The following NAP1L4 variants were observed in gnomAD, a reference collection of about 807,000 sequenced individuals.
NAP1L4 encodes the protein nucleosome assembly protein 1 like 4, also known as nucleosome assembly protein 1-like 4.
In NAP1L4, 15 loss-of-function variants were observed where a neutral mutation model predicts 58.2. That is an observed-to-expected ratio of 0.26 (90% CI 0.17 to 0.40). The LOEUF (loss-of-function observed/expected upper bound fraction) is 0.40. Ranked by LOEUF, NAP1L4 falls within the 10% of genes least tolerant of loss-of-function variation. The pLI, the probability that NAP1L4 is intolerant of heterozygous loss-of-function variation, is 1.00. For synonymous variants in NAP1L4, 171 were observed against 155.6 expected (o/e 1.10, Z -0.74); for missense variants, 384 against 451.1 (o/e 0.85, Z 1.35).
intron 7 of NAP1L4, among the ~76,000 whole-genome samples, chr11:2,967,517 A>G (rs971132039): frequency 2.6e-5 from 4 of 151,926 alleles, no homozygotes; most frequent in Non-Finnish European, 5.9e-5. Flanking sequence ...AGGCTGAGGC[A>G]GGAGAATGGC....
Position 2,969,933 on chromosome 11 carries a change from C to T in NAP1L4, c.404G>A (p.Gly135Glu). 1 of 1,607,578 alleles carries T rather than the reference C, an allele frequency of 6.2e-7. No individual in the cohort carries two copies. The highest frequency in any genetic ancestry group is 8.5e-7 in the Non-Finnish European group (1 of 1,177,478). ...GACGACTACTTTACTTTTCATGTCTCCCTAAAAAAAAGATGCAACATAGGT... is the reference window on the plus strand; with the variant it reads ...GACGACTACTTTACTTTTCATGTCTTCCTAAAAAAAAGATGCAACATAGGT... Reference protein sequence around the residue: ...SENEEEEKLAGDMKSKVVVTE... With the variant: ...SENEEEEKLAEDMKSKVVVTE... Residue 135 changes from glycine (G) to glutamate (E), a missense_variant and splice_region_variant, in exon 7 of 16, where the codon GGA (glycine) becomes GAA (glutamate). Coordinates refer to ENST00000380542, the MANE Select transcript of NAP1L4 (RefSeq NM_005969.4).
At chr11:2,964,578 T>G in intron 8 of NAP1L4, 102 bp downstream of exon 8, 1 of 901,778 alleles carries the variant, frequency 1.1e-6, no homozygotes, top group African/African-American at 1.7e-5. Context: ...GATGAGTGGC[T>G]GGGTGTGGGT....
At chr11:2,966,228 T>C (rs1007207172) in intron 7 of NAP1L4, among the ~76,000 whole-genome samples, 1 of 152,250 alleles carries the variant, frequency 6.6e-6, no homozygotes. Flanking sequence ...CAGTGACATT[T>C]TGATGCACGT....
chr11:2,961,734 G>A (rs1249303024), intron 8 of NAP1L4, among the ~76,000 whole-genome samples: 1 of 152,028 alleles, frequency 6.6e-6, no homozygotes, highest in Non-Finnish European at 1.5e-5. Context: ...TTCTCCCTAT[G>A]TTGCCCAGGC....
At chr11:2,957,469 G>A (rs1846610963) in intron 10 of NAP1L4, among the ~76,000 whole-genome samples, 1 of 152,208 alleles carries the variant, frequency 6.6e-6, no homozygotes, top group Admixed American at 6.5e-5. Flanking sequence ...TCAGACTGGA[G>A]AAGAGATCCG....
Position 2,947,316 on chromosome 11 carries a change from T to C in NAP1L4, c.*33-1670A>G, listed in dbSNP as rs138938494. 2.5e-3 allele frequency among the ~76,000 whole-genome samples: 382 copies of C among 152,318 alleles called. 1 individual carries two copies. The highest frequency in any genetic ancestry group is 8.6e-3 in the African/African-American group (359 of 41,566). On this transcript the variant is annotated intron_variant, in intron 15 of 15. Coordinates refer to ENST00000380542, the MANE Select transcript of NAP1L4 (RefSeq NM_005969.4). ...ATTCATCTGTCCTAAATAAAACCAATATCCTGGGTGAAGACTGCTAGAGGG... is the reference window on the plus strand; with the variant it reads ...ATTCATCTGTCCTAAATAAAACCAACATCCTGGGTGAAGACTGCTAGAGGG...
At chr11:2,990,392 T>G (rs780955486) in intron 1 of NAP1L4, 26 of 152,236 alleles carry the variant, frequency 1.7e-4, no homozygotes, top group Non-Finnish European at 3.8e-4. Flanking sequence ...TTGGATTACT[T>G]TCCCATTCTA....
In NAP1L4 at chr11:2,945,054, A is replaced by G. The variant is rs1268379854; in HGVS notation, c.*625T>C. 6.6e-6 allele frequency: 1 copy of G among 152,306 alleles called. No individual in the cohort carries two copies. The highest frequency in any genetic ancestry group is 1.9e-4 in the East Asian group (1 of 5,198). The allele number at this position is 152,306 out of a possible 1,614,324, so 9.4% of individuals were successfully genotyped here. ...CAACCCTGACCCACCCCTAAAAAAA[A>G]AAAAAAATCAAGAAGCAACATCCTA... On this transcript the variant is annotated 3_prime_UTR_variant, in exon 16 of 16. Transcript: ENST00000380542.
chr11:2,991,148 C>T (rs1405322677), intron 1 of NAP1L4: 1 of 456,290 alleles, frequency 2.2e-6, no homozygotes, highest in Non-Finnish European at 4.4e-6. Context: ...GTCACCCAGG[C>T]AGGTGATGTG....
At chr11:2,987,362 T>G (rs1848693093) in intron 1 of NAP1L4, among the ~76,000 whole-genome samples, 1 of 151,488 alleles carries the variant, frequency 6.6e-6, no homozygotes, top group Non-Finnish European at 1.5e-5. Context: ...GGAGAGGGTC[T>G]CAAACTCCTG....
chr11:2,964,788 T>A, intron 7 of NAP1L4, 37 bp from the exon 8 acceptor site: 1 of 1,494,180 alleles, frequency 6.7e-7, no homozygotes, highest in Non-Finnish European at 9.3e-7. Context: ...AACAGGCTTT[T>A]AAAAAAACAA....
intron 7 of NAP1L4, among the ~76,000 whole-genome samples, chr11:2,966,098 T>C (rs1392007274): frequency 6.6e-6 from 1 of 152,218 alleles, no homozygotes; most frequent in African/African-American, 2.4e-5. Context: ...TGGCAGTCAC[T>C]TCTTTACCCC....
chr11:2,952,013 C>T (rs1590218986), intron 12 of NAP1L4: 6 of 629,962 alleles, frequency 9.5e-6, no homozygotes, highest in Non-Finnish European at 1.1e-5. Context: ...TTGAAAGTCA[C>T]GCAAAACAAG....
In NAP1L4 at chr11:2,954,589, C is replaced by A; in HGVS notation, c.973G>T (p.Glu325Ter). Reference protein sequence around the residue: ...SDFEIGHFFRERIVPRAVLYF... With the variant: ...SDFEIGHFFR The stretch of plus-strand genomic sequence containing the variant: ...AGCACAGCCCGCGGGACTATCCGCT[C>A]ACGGAAAAAGTGTCCAATTTCAAAA... The change falls in exon 12 of 16, where the codon GAG becomes TAG. Residue 325 changes from glutamate to a stop codon, truncating the protein, a stop_gained. Transcript: ENST00000380542. LOFTEE classifies it high-confidence loss of function. The surrounding 1 kb of genome is among the most constrained non-coding windows in gnomAD (Gnocchi z 4.8). The A allele has an allele frequency of 6.2e-7, 1 of 1,614,074 alleles. No homozygotes were observed. The highest frequency in any genetic ancestry group is 8.5e-7 in the Non-Finnish European group (1 of 1,180,010).
rs1169357876 is a variant in NAP1L4 at position 2,971,884 on chromosome 11, C to T, written c.315+218G>A. 1.3e-5 allele frequency among the ~76,000 whole-genome samples: 2 copies of T among 152,200 alleles called. No homozygotes were observed. Among genetic ancestry groups the T allele is most frequent in the Non-Finnish European group, 2.9e-5 (2 of 68,050 alleles). Reference sequence around the variant, plus strand: ...TCAATACATTACGCGAGATACTCAGCACTTTATTATAAAATAGGCTTTGTG... The same window carrying T: ...TCAATACATTACGCGAGATACTCAGTACTTTATTATAAAATAGGCTTTGTG... On this transcript the variant is annotated intron_variant, in intron 5 of 15. Coordinates refer to ENST00000380542, the MANE Select transcript of NAP1L4 (RefSeq NM_005969.4). The surrounding 1 kb of genome is among the most constrained non-coding windows in gnomAD (Gnocchi z 4.2).
At position 2,954,064 on chromosome 11, in the gene NAP1L4, G is replaced by A. The variant is rs1159418778; in HGVS notation, c.1035+463C>T. ...GACATGCAATCTTGTTGTTTTCTTC[G>A]GGAGCACGGGTTTCTTTTTTTTCCT... On this transcript the variant is annotated intron_variant, in intron 12 of 15. Transcript: ENST00000380542. This position sits in a 1 kb window ranked among gnomAD's most constrained non-coding sequence, Gnocchi z 4.8. Among the ~76,000 whole-genome samples the A allele has an allele frequency of 6.6e-6, 1 of 152,110 alleles. No individual in the cohort carries two copies. The highest frequency in any genetic ancestry group is 1.5e-5 in the Non-Finnish European group (1 of 68,016).
chr11:2,954,900 AG>A lies in NAP1L4; in HGVS notation c.916-255del, dbSNP rs1451094021. 6.6e-6 allele frequency among the ~76,000 whole-genome samples: 1 copy of A among 152,224 alleles called. No homozygotes were observed. Among genetic ancestry groups the A allele is most frequent in the African/African-American group, 2.4e-5 (1 of 41,466 alleles). ...CCCTACAGCTCCACAACTTGTCCAA[AG>A]GTCTCACCCAGAGTAGGCGGTATCA... On this transcript the variant is annotated intron_variant, in intron 11 of 15. Coordinates refer to ENST00000380542, the MANE Select transcript of NAP1L4 (RefSeq NM_005969.4). This position sits in a 1 kb window ranked among gnomAD's most constrained non-coding sequence, Gnocchi z 4.8.
At chr11:2,950,468 T>C (rs1317860820) in intron 14 of NAP1L4, among the ~76,000 whole-genome samples, 2 of 152,102 alleles carry the variant, frequency 1.3e-5, no homozygotes, top group Non-Finnish European at 2.9e-5. Context: ...GCAAAAAACG[T>C]CTAGTCGGAC....
At position 2,951,097 on chromosome 11, in the gene NAP1L4, A is replaced by AGT; in HGVS notation, c.1122+160_1122+161dup. ...CACTCAACACTCAAATTATAGACACAGTGTCTGAATAATCATTCCACTATT... is the reference window on the plus strand; with the variant it reads ...CACTCAACACTCAAATTATAGACACAGTGTGTCTGAATAATCATTCCACTATT... On this transcript the variant is annotated intron_variant, in intron 14 of 15. Coordinates refer to ENST00000380542, the MANE Select transcript of NAP1L4 (RefSeq NM_005969.4). The surrounding 1 kb of genome is among the most constrained non-coding windows in gnomAD (Gnocchi z 4.0). 1.5e-6 allele frequency: 1 copy of AGT among 672,404 alleles called. No individual in the cohort carries two copies. Among genetic ancestry groups the AGT allele is most frequent in the East Asian group, 2.5e-5 (1 of 39,614 alleles). The allele number at this position is 672,404 out of a possible 1,614,324, so 41.7% of individuals were successfully genotyped here. A position where few individuals can be genotyped will look rare whatever the true frequency, so the allele number is the denominator to read the frequency against.
Sources: gnomAD v4.1 joint callset for allele counts (sites outside exome capture counted in the v4.1 genomes callset) on GRCh38, gnomAD v4.1.1 for gene constraint, Gnocchi (gnomAD v3.1) non-coding constraint, MANE v1.5 for transcripts, NCBI Gene and HGNC (gene_info 2026-07-23, HGNC 2026-07-21) for gene names.